Variants in TEX52 observed in about 807,000 individuals in gnomAD.
TEX52 encodes the protein testis expressed 52, also known as testis-expressed protein 52.
In TEX52, 22 loss-of-function variants were observed where a neutral mutation model predicts 17.6. The ratio of observed to expected loss-of-function variants is 1.25; its 90% CI spans 0.89 to 1.78. TEX52 has a LOEUF of 1.78. TEX52 is among the 40% of genes most tolerant of loss of function. The pLI, the probability that TEX52 is intolerant of heterozygous loss-of-function variation, is 0.00. For synonymous variants in TEX52, 168 were observed against 147.4 expected (o/e 1.14, Z -1.01); for missense variants, 396 against 372.3 (o/e 1.06, Z -0.52).
At chr12:2,848,669 C>T (rs1297514473), downstream of TEX52, among the ~76,000 whole-genome samples, 1 of 152,180 alleles carries the variant, frequency 6.6e-6, no homozygotes, top group East Asian at 1.9e-4. Flanking sequence ...GCATGGGGCC[C>T]TGCAACCAAG....
chr12:2,850,155 G>A (rs2098065407), intron 2 of TEX52, among the ~76,000 whole-genome samples: 1 of 152,092 alleles, frequency 6.6e-6, no homozygotes, highest in Non-Finnish European at 1.5e-5. Flanking sequence ...AATCTCCAGA[G>A]GGAGGCTCAA....
At chr12:2,855,521 TCTC>T (rs558605146) in intron 1 of TEX52, 75 bp from the exon 2 acceptor site, 167 of 1,176,234 alleles carry the variant, frequency 1.4e-4, no homozygotes, top group South Asian at 1.4e-3. Flanking sequence ...GGCACTCCGC[TCTC>T]CTTCCCAGGC....
At chr12:2,856,512 C>T (rs1019319111) in intron 1 of TEX52, among the ~76,000 whole-genome samples, 45 of 152,216 alleles carry the variant, frequency 3.0e-4, no homozygotes, top group African/African-American at 9.4e-4. Context: ...ATTACAGGCG[C>T]GTGCCACCAT....
intron 2 of TEX52, among the ~76,000 whole-genome samples, chr12:2,850,286 C>A (rs532765620): frequency 6.6e-6 from 1 of 151,872 alleles, no homozygotes; most frequent in African/African-American, 2.4e-5. Context: ...CCAGCCTGGC[C>A]GACATGATGA....
At chr12:2,849,894 A>G (rs2098064606) in intron 2 of TEX52, among the ~76,000 whole-genome samples, 1 of 152,238 alleles carries the variant, frequency 6.6e-6, no homozygotes, top group African/African-American at 2.4e-5. Context: ...GCTCAACTGG[A>G]TAACTGCCTC....
chr12:2,848,977 C>G (rs2098061403), downstream of TEX52: 1 of 492,366 alleles, frequency 2.0e-6, no homozygotes. Context: ...CTGCTCTACC[C>G]AGCCTCCTGG....
intron 2 of TEX52, among the ~76,000 whole-genome samples, chr12:2,853,353 A>G (rs939198627): frequency 4.6e-5 from 7 of 151,738 alleles, no homozygotes; most frequent in African/African-American, 1.7e-4. Context: ...GCTCACTGCA[A>G]CCTCCACCTC....
rs2098063281 is a variant in TEX52, at chr12:2,849,486, C to CT, written c.662dup (p.Leu223ProfsTer11). On this transcript the variant is annotated frameshift_variant, in exon 3 of 3. Coordinates refer to ENST00000637658, the MANE Select transcript of TEX52 (RefSeq NM_001365174.2). LOFTEE classifies it low-confidence loss of function (END_TRUNC). ...ACGGGTTGGGCATGAGCTGGAGGCC[C>CT]TGGGGTTCAAACCTCCCACCAGCGG... 6.5e-7 allele frequency: 1 copy of CT among 1,536,134 alleles called. No homozygotes were observed. Among genetic ancestry groups the CT allele is most frequent in the Non-Finnish European group, 8.7e-7 (1 of 1,146,916 alleles).
chr12:2,849,360 G>C lies in TEX52; in HGVS notation c.789C>G (p.Ser263Arg). The C allele has an allele frequency of 6.5e-7, 1 of 1,536,152 alleles. No homozygotes were observed. The highest frequency in any genetic ancestry group is 1.4e-5 in the African/African-American group (1 of 73,162). ...TTTGGAAATCCCTTATGAGGTCCTG[G>C]CTCAGGGGCGCGCTGGGCAGCAAGG... is the stretch of plus-strand genomic sequence containing the variant. ...KLALLPSAPL[S>R]QDLIRDFQTL... Residue 263 changes from serine (S) to arginine (R), a missense_variant, in exon 3 of 3, where the codon AGC becomes AGG. Ser to Arg is a moderately radical substitution (Grantham distance 110, BLOSUM62 -1). Transcript: ENST00000637658.
Position 2,849,093 on chromosome 12 carries a change from TG to T in TEX52, c.*137del. On this transcript the variant is annotated 3_prime_UTR_variant, in exon 3 of 3. Coordinates refer to ENST00000637658, the MANE Select transcript of TEX52 (RefSeq NM_001365174.2). The stretch of plus-strand genomic sequence containing the variant: ...CTGGGGTACAGAGGTGGCTTGAGGC[TG>T]GGAGGATGGTGGAGAGGCTGTTCTG... 1 of 853,756 alleles carries T rather than the reference TG, an allele frequency of 1.2e-6. No homozygotes were observed. The highest frequency in any genetic ancestry group is 1.8e-6 in the Non-Finnish European group (1 of 570,106). 52.9% of individuals were successfully genotyped at this position (853,756 alleles called of 1,614,324 possible). A position where few individuals can be genotyped will look rare whatever the true frequency, so the allele number is the denominator to read the frequency against.
chr12:2,852,148 T>C (rs1438681383), intron 2 of TEX52, among the ~76,000 whole-genome samples: 1 of 152,252 alleles, frequency 6.6e-6, no homozygotes, highest in Admixed American at 6.5e-5. Flanking sequence ...TCCTGTTATG[T>C]GTCCTGCCTT....
intron 1 of TEX52, among the ~76,000 whole-genome samples, chr12:2,856,095 A>T (rs925752809): frequency 4.6e-5 from 7 of 152,054 alleles, no homozygotes; most frequent in Admixed American, 1.3e-4. Context: ...TGTGCTAAAT[A>T]CTTACATGGA....
At position 2,855,127 on chromosome 12, in the gene TEX52, C is replaced by T; in HGVS notation, c.392G>A (p.Arg131Lys). Residue 131 changes from arginine (R) to lysine (K), a missense_variant, in exon 2 of 3, where the codon AGA becomes AAA. By Grantham distance (26) the Arg-to-Lys change is conservative. Coordinates refer to ENST00000637658, the MANE Select transcript of TEX52 (RefSeq NM_001365174.2). ...GATGGGGTGCTCCGTGGGGGGGCAT[C>T]TGTGGGCATTGGAGTCGGTCAGCCA... ...WRWLTDSNAHRCPPTEHPIPP... is the reference protein window; with the variant it reads ...WRWLTDSNAHKCPPTEHPIPP... 1 of 1,533,680 alleles carries T rather than the reference C, an allele frequency of 6.5e-7. No homozygotes were observed. Among genetic ancestry groups the T allele is most frequent in the Non-Finnish European group, 8.7e-7 (1 of 1,145,256 alleles).
chr12:2,851,407 A>G (rs1351160476), intron 2 of TEX52, among the ~76,000 whole-genome samples: 2 of 152,126 alleles, frequency 1.3e-5, no homozygotes, highest in African/African-American at 2.4e-5. Context: ...AGTGGCCATG[A>G]TCTTGGCTCA....
downstream of TEX52, among the ~76,000 whole-genome samples, chr12:2,848,876 C>T (rs979718119): frequency 1.6e-5 from 2 of 122,260 alleles, no homozygotes; most frequent in African/African-American, 3.3e-5. Flanking sequence ...GACACACACA[C>T]GCACACACAC....
chr12:2,848,685 C>G (rs116030444), downstream of TEX52, among the ~76,000 whole-genome samples: 164 of 152,310 alleles, frequency 1.1e-3, no homozygotes, highest in African/African-American at 3.8e-3. Context: ...CCAAGCACAG[C>G]TGTGTCTGGT....
At chr12:2,848,940 A>G, downstream of TEX52, 2 of 403,178 alleles carry the variant, frequency 5.0e-6, no homozygotes, top group Non-Finnish European at 9.0e-6. Flanking sequence ...TCCTCTCCTT[A>G]GGAACTGGAG....
chr12:2,849,315 A>T lies in TEX52; in HGVS notation c.834T>A (p.Thr278=), dbSNP rs1436513248. Residue 278 remains threonine, a synonymous_variant, in exon 3 of 3, where the codon ACT becomes ACA. Transcript: ENST00000637658. ...RDFQTLIKDR[T]ALPLHHLSKA... ...TGGAGAGATGGTGGAGGGGTAAGGC[A>T]GTTCTGTCCTTTATCAGGGTTTGGA... 1 of 1,536,116 alleles carries T rather than the reference A, an allele frequency of 6.5e-7. No homozygotes were observed. Among genetic ancestry groups the T allele is most frequent in the South Asian group, 1.2e-5 (1 of 84,058 alleles).
Position 2,855,168 on chromosome 12 carries a change from AT to A in TEX52, c.350del (p.Asp117ValfsTer8). Reference sequence around the variant, plus strand: ...CGGTCAGCCAGCGCCAGACATTGCTATCGTAGGGCCTGTCAGGCTGGGTGGG... The same window carrying A: ...CGGTCAGCCAGCGCCAGACATTGCTACGTAGGGCCTGTCAGGCTGGGTGGG... ...TFPTQPDRPY[D>X]SNVWRWLTDS... On this transcript the variant is annotated frameshift_variant, in exon 2 of 3. Transcript: ENST00000637658. LOFTEE classifies it high-confidence loss of function. 1 of 1,519,060 alleles carries A rather than the reference AT, an allele frequency of 6.6e-7. No homozygotes were observed. Among genetic ancestry groups the A allele is most frequent in the Middle Eastern group, 1.7e-4 (1 of 5,916 alleles). 94.1% of individuals were successfully genotyped at this position (1,519,060 alleles called of 1,614,324 possible). A position where few individuals can be genotyped will look rare whatever the true frequency, so the allele number is the denominator to read the frequency against.
Sources: gnomAD v4.1 joint callset for allele counts (sites outside exome capture counted in the v4.1 genomes callset) on GRCh38, gnomAD v4.1.1 for gene constraint, MANE v1.5 for transcripts, NCBI Gene and HGNC (gene_info 2026-07-23, HGNC 2026-07-21) for gene names.